STPG2: variants seen among roughly 807,000 people sequenced by gnomAD.
STPG2 encodes the protein sperm-tail PG-rich repeat-containing protein 2.
A neutral mutation model predicts 54.2 loss-of-function variants in STPG2; 56 were observed. The observed-to-expected ratio is 1.03, with a 90% CI of 0.83 to 1.29. STPG2 has a LOEUF of 1.29. STPG2 is among the 50% of genes most tolerant of loss of function. STPG2 has a pLI of 0.00. For synonymous variants in STPG2, 200 were observed against 181.8 expected, an observed-to-expected ratio of 1.10 and a Z score of -0.81; for missense variants, 596 against 544.9, an observed-to-expected ratio of 1.09 and a Z score of -0.93.
At chr4:97,446,502 A>G (rs986463189) in intron 4 of STPG2, among the ~76,000 whole-genome samples, 1 of 152,208 alleles carries the variant, frequency 6.6e-6, no homozygotes, top group Non-Finnish European at 1.5e-5. Flanking sequence ...CATATAACTT[A>G]GGGAGGACAG....
rs572637258 is a variant in STPG2, at chr4:97,945,180, A to G, written c.934-1173T>C. Among the ~76,000 whole-genome samples the G allele has an allele frequency of 2.0e-5, 3 of 152,210 alleles. No individual in the cohort carries two copies. The South Asian group carries it at 6.2e-4, about 32-fold the overall frequency. ...ACCCACGTAGTGTACATTGTACCCAATAAGTAGTTTTTTATCCCCCTATTC... is the reference window on the plus strand; with the variant it reads ...ACCCACGTAGTGTACATTGTACCCAGTAAGTAGTTTTTTATCCCCCTATTC... On this transcript the variant is annotated intron_variant, in intron 7 of 10. Transcript: ENST00000295268.
chr4:97,624,784 A>G (rs1038711090), intron 10 of STPG2, among the ~76,000 whole-genome samples: 1 of 152,040 alleles, frequency 6.6e-6, no homozygotes, highest in African/African-American at 2.4e-5. Context: ...ATCCATCTTG[A>G]GTTAATTTTT....
intron 10 of STPG2, among the ~76,000 whole-genome samples, chr4:97,666,999 C>G (rs531015285): frequency 1.3e-5 from 2 of 152,164 alleles, no homozygotes; most frequent in African/African-American, 4.8e-5. Flanking sequence ...ACCACCACCA[C>G]CATCATCACT....
chr4:97,945,043 A>G (rs112891704), intron 7 of STPG2, among the ~76,000 whole-genome samples: 4 of 152,324 alleles, frequency 2.6e-5, no homozygotes, highest in African/African-American at 7.2e-5. Context: ...AAGCTGAAAA[A>G]TAACTTATTT....
chr4:97,845,070 T>C (rs892628913), intron 8 of STPG2, among the ~76,000 whole-genome samples: 1 of 152,000 alleles, frequency 6.6e-6, no homozygotes, highest in Non-Finnish European at 1.5e-5. Context: ...GGCTCACTGC[T>C]AGCATGTTTT....
At chr4:97,772,605 C>T (rs1233104918) in intron 9 of STPG2, among the ~76,000 whole-genome samples, 2 of 152,128 alleles carry the variant, frequency 1.3e-5, no homozygotes, top group Non-Finnish European at 2.9e-5. Context: ...AGCTTCAAAA[C>T]ATTAATCAAA....
At chr4:97,593,613 C>T (rs1413679222) in intron 10 of STPG2, among the ~76,000 whole-genome samples, 5 of 152,202 alleles carry the variant, frequency 3.3e-5, no homozygotes, top group Non-Finnish European at 1.5e-5. Flanking sequence ...CATGCAGAAA[C>T]ACTGCAGCCC....
chr4:97,671,568 G>T (rs1191850708), intron 10 of STPG2, among the ~76,000 whole-genome samples: 2 of 152,128 alleles, frequency 1.3e-5, no homozygotes, highest in Non-Finnish European at 2.9e-5. Context: ...CATATACAAA[G>T]AAATTAGAAG....
intron 8 of STPG2, among the ~76,000 whole-genome samples, chr4:97,936,096 T>G (rs1006745086): frequency 6.6e-6 from 1 of 152,150 alleles, no homozygotes; most frequent in Non-Finnish European, 1.5e-5. Context: ...GGATAGTTAA[T>G]TCTTCTTATT....
At chr4:97,860,138 T>C (rs1212190510) in intron 8 of STPG2, among the ~76,000 whole-genome samples, 5 of 152,232 alleles carry the variant, frequency 3.3e-5, no homozygotes, top group Non-Finnish European at 7.3e-5. Flanking sequence ...AGCCTTGTAG[T>C]ATAATTTAAA....
rs192840462 is a variant in STPG2, at chr4:97,989,502, A to G, written c.613-8184T>C. On this transcript the variant is annotated intron_variant, in intron 5 of 10. Transcript: ENST00000295268. The stretch of plus-strand genomic sequence containing the variant: ...ATATTTTAGACACAGAAAGATTAAT[A>G]ACAATAATTAATAAAATAGAACAAT... Among the ~76,000 whole-genome samples, 861 of 152,288 alleles carry G rather than the reference A, an allele frequency of 5.7e-3. 6 individuals carry two copies. The highest frequency in any genetic ancestry group is 9.6e-3 in the Non-Finnish European group (654 of 68,018).
At chr4:97,559,468 T>C (rs1220170533) in intron 10 of STPG2, among the ~76,000 whole-genome samples, 1 of 152,204 alleles carries the variant, frequency 6.6e-6, no homozygotes, top group Non-Finnish European at 1.5e-5. Context: ...CCTATCCTAA[T>C]AGGATATGGC....
Position 97,859,170 on chromosome 4 carries a change from G to A in STPG2, c.1045-18238C>T, listed in dbSNP as rs555483124. Among the ~76,000 whole-genome samples the A allele has an allele frequency of 6.6e-5, 10 of 151,822 alleles. No individual in the cohort carries two copies. In the East Asian group the frequency reaches 1.6e-3, roughly 24 times the overall value. On this transcript the variant is annotated intron_variant, in intron 8 of 10. Coordinates refer to ENST00000295268, the MANE Select transcript of STPG2 (RefSeq NM_174952.3). The stretch of plus-strand genomic sequence containing the variant: ...GCAATGTTGATCTTTTTTTTCATAC[G>A]TTTGTTGGCTATTTGTAGATCTTCT...
At position 97,859,479 on chromosome 4, in the gene STPG2, T is replaced by C. The variant is rs561444757; in HGVS notation, c.1045-18547A>G. ...TTCTTTTCTTTTCTTTTTTTTTTTT[T>C]TTGAGATGGAGTCTCACTCTGTCGC... is the stretch of plus-strand genomic sequence containing the variant. On this transcript the variant is annotated intron_variant, in intron 8 of 10. Coordinates refer to ENST00000295268, the MANE Select transcript of STPG2 (RefSeq NM_174952.3). Among the ~76,000 whole-genome samples the C allele has an allele frequency of 1.2e-3, 186 of 150,858 alleles. 1 individual carries two copies. Among genetic ancestry groups the C allele is most frequent in the African/African-American group, 3.9e-3 (160 of 41,268 alleles).
intron 9 of STPG2, among the ~76,000 whole-genome samples, chr4:97,714,675 A>G (rs147012337): frequency 5.4e-4 from 82 of 152,292 alleles, no homozygotes; most frequent in African/African-American, 1.9e-3. Flanking sequence ...TAACATCTTT[A>G]CTGACAGACA....
chr4:97,559,053 TTA>T lies in STPG2; in HGVS notation c.*3_*4del, dbSNP rs1732152163. Reference sequence around the variant, plus strand: ...TGTTTTTTAAGTTTTTGCCATAAATTTATGTCACATTATATCAGCAGCCATTT... The same window carrying T: ...TGTTTTTTAAGTTTTTGCCATAAATTTGTCACATTATATCAGCAGCCATTT... On this transcript the variant is annotated 3_prime_UTR_variant, in exon 11 of 11. Coordinates refer to ENST00000295268, the MANE Select transcript of STPG2 (RefSeq NM_174952.3). The T allele has an allele frequency of 6.3e-7, 1 of 1,596,860 alleles. No individual in the cohort carries two copies. Among genetic ancestry groups the T allele is most frequent in the Non-Finnish European group, 8.5e-7 (1 of 1,173,578 alleles).
chr4:97,668,297 A>C (rs1184722999), intron 10 of STPG2, among the ~76,000 whole-genome samples: 1 of 152,156 alleles, frequency 6.6e-6, no homozygotes, highest in Non-Finnish European at 1.5e-5. Flanking sequence ...AATTGCTAGG[A>C]AATGAGACTG....
chr4:97,619,225 T>TTG (rs1213102594), intron 10 of STPG2, among the ~76,000 whole-genome samples: 1 of 151,260 alleles, frequency 6.6e-6, no homozygotes, highest in Non-Finnish European at 1.5e-5. Context: ...AATTTAAAGG[T>TTG]TGTGTGTGTG....
At chr4:98,127,397 C>A (rs1739861042) in intron 3 of STPG2, among the ~76,000 whole-genome samples, 1 of 152,130 alleles carries the variant, frequency 6.6e-6, no homozygotes, top group African/African-American at 2.4e-5. Flanking sequence ...GTAGCTACTG[C>A]CACAAACCAA....
Sources: allele counts gnomAD v4.1 joint callset (sites outside exome capture counted in the v4.1 genomes callset), GRCh38; gene constraint gnomAD v4.1.1; transcripts MANE v1.5; gene names NCBI Gene and HGNC (gene_info 2026-07-23, HGNC 2026-07-21).